Variants in EPB41L3 observed in about 807,000 individuals in gnomAD.
The protein encoded by EPB41L3 is band 4.1-like protein 3.
In EPB41L3, 57 loss-of-function variants were observed where a neutral mutation model predicts 127.1. The ratio of observed to expected loss-of-function variants is 0.45; its 90% CI spans 0.36 to 0.56. The LOEUF (loss-of-function observed/expected upper bound fraction) is 0.56. Among genes scored for constraint, EPB41L3 ranks in the 20% least tolerant of loss-of-function variants. EPB41L3 has a pLI of 0.00. For synonymous variants in EPB41L3, 572 were observed against 549.5 expected, an observed-to-expected ratio of 1.04 and a Z score of -0.57; for missense variants, 1,273 against 1,372.2, an observed-to-expected ratio of 0.93 and a Z score of 1.14.
rs186713595 is a variant in EPB41L3 at position 5,567,828 on chromosome 18, T to G, written c.-306+44512A>C. Among the ~76,000 whole-genome samples the G allele has an allele frequency of 2.0e-5, 3 of 152,348 alleles. No homozygotes were observed. In the East Asian group the frequency reaches 5.8e-4, roughly 29 times the overall value. On this transcript the variant is annotated intron_variant, in intron 3 of 21. Transcript: ENST00000545076. ...TAATTATTTGTCATAATATGTAATA[T>G]GTTTGTGTCATTTATGTCTAAGTGT...
chr18:5,431,545 C>T (rs1387812546), intron 8 of EPB41L3, among the ~76,000 whole-genome samples: 1 of 152,168 alleles, frequency 6.6e-6, no homozygotes, highest in Non-Finnish European at 1.5e-5. Flanking sequence ...TATTTTAATT[C>T]TGTAGCTATA....
intron 3 of EPB41L3, among the ~76,000 whole-genome samples, chr18:5,569,653 C>G (rs1000627208): frequency 4.6e-5 from 7 of 152,228 alleles, no homozygotes; most frequent in South Asian, 2.1e-4. Context: ...CTATGTACCT[C>G]TGCTAAGGGC....
chr18:5,525,909 A>T (rs1279387124), intron 1 of EPB41L3, among the ~76,000 whole-genome samples: 2 of 152,190 alleles, frequency 1.3e-5, no homozygotes, highest in Non-Finnish European at 2.9e-5. Context: ...CTTCTATTGG[A>T]GAAACAACCA....
chr18:5,437,380 C>T (rs373208860), intron 6 of EPB41L3, among the ~76,000 whole-genome samples: 2 of 152,314 alleles, frequency 1.3e-5, no homozygotes, highest in African/African-American at 4.8e-5. Context: ...TGATCTCAAA[C>T]TTCTAGTCTC....
intron 2 of EPB41L3, among the ~76,000 whole-genome samples, chr18:5,613,005 G>A (rs529463504): frequency 6.6e-6 from 1 of 152,296 alleles, no homozygotes; most frequent in East Asian, 1.9e-4. Flanking sequence ...CTCCCAAAGT[G>A]CTAGGATTAC....
At chr18:5,414,032 T>C (rs2076503143) in intron 13 of EPB41L3, among the ~76,000 whole-genome samples, 1 of 152,236 alleles carries the variant, frequency 6.6e-6, no homozygotes, top group African/African-American at 2.4e-5. Flanking sequence ...AGTTGAAATA[T>C]TTATTTTGAA....
chr18:5,446,021 C>T (rs1187432236), intron 3 of EPB41L3, among the ~76,000 whole-genome samples: 1 of 152,186 alleles, frequency 6.6e-6, no homozygotes, highest in Non-Finnish European at 1.5e-5. Context: ...AGATAAACTT[C>T]TGAGCCTGAG....
At chr18:5,450,999 T>C (rs2082215699) in intron 3 of EPB41L3, among the ~76,000 whole-genome samples, 1 of 152,176 alleles carries the variant, frequency 6.6e-6, no homozygotes, top group African/African-American at 2.4e-5. Context: ...TTTTTTTACA[T>C]GTGTGACATT....
intron 3 of EPB41L3, among the ~76,000 whole-genome samples, chr18:5,467,951 G>C (rs1261353668): frequency 2.0e-5 from 3 of 152,148 alleles, no homozygotes; most frequent in African/African-American, 7.2e-5. Flanking sequence ...GCACTCTCAG[G>C]GGTACAGGAA....
At chr18:5,528,103 G>A (rs139924774) in intron 1 of EPB41L3, among the ~76,000 whole-genome samples, 10 of 152,302 alleles carry the variant, frequency 6.6e-5, no homozygotes, top group East Asian at 1.9e-4. Flanking sequence ...CAGAAGAGTC[G>A]CCTCTTCTAA....
intron 3 of EPB41L3, among the ~76,000 whole-genome samples, chr18:5,562,611 T>A (rs1303741648): frequency 6.6e-6 from 1 of 152,196 alleles, no homozygotes; most frequent in African/African-American, 2.4e-5. Flanking sequence ...ATCTAAAGAA[T>A]GTAATAGTGC....
At chr18:5,563,164 T>C (rs1487683658) in intron 3 of EPB41L3, among the ~76,000 whole-genome samples, 1 of 152,166 alleles carries the variant, frequency 6.6e-6, no homozygotes, top group African/African-American at 2.4e-5. Context: ...CTTGAAATAG[T>C]CATTAGTATG....
intron 3 of EPB41L3, among the ~76,000 whole-genome samples, chr18:5,572,573 G>A (rs1033060556): frequency 3.3e-5 from 5 of 151,982 alleles, no homozygotes; most frequent in African/African-American, 1.2e-4. Flanking sequence ...TGTTGTTTTG[G>A]TTTTGGTTTT....
intron 3 of EPB41L3, among the ~76,000 whole-genome samples, chr18:5,571,556 A>T (rs1157981214): frequency 6.6e-6 from 1 of 152,210 alleles, no homozygotes; most frequent in Non-Finnish European, 1.5e-5. Context: ...CATGAGTCCT[A>T]ACCCAAATTT....
intron 3 of EPB41L3, among the ~76,000 whole-genome samples, chr18:5,476,128 A>G (rs1172530316): frequency 1.3e-5 from 2 of 152,134 alleles, no homozygotes; most frequent in Middle Eastern, 3.4e-3. Flanking sequence ...TTCTCATTCA[A>G]CCAATCGGTT....
chr18:5,529,340 A>C (rs1374463324), intron 1 of EPB41L3, among the ~76,000 whole-genome samples: 3 of 148,314 alleles, frequency 2.0e-5, no homozygotes, highest in Non-Finnish European at 4.5e-5. Flanking sequence ...ATATATATAT[A>C]TCTTACCTAA....
At chr18:5,539,713 AG>A (rs2093669147) in intron 1 of EPB41L3, 1 of 152,244 alleles carries the variant, frequency 6.6e-6, no homozygotes, top group Non-Finnish European at 1.5e-5. Flanking sequence ...AAATTCAGAA[AG>A]GAAAACATGA....
chr18:5,580,489 C>CAT (rs1305432060), intron 3 of EPB41L3, among the ~76,000 whole-genome samples: 1 of 152,012 alleles, frequency 6.6e-6, no homozygotes, highest in African/African-American at 2.4e-5. Flanking sequence ...CTCATATGCA[C>CAT]ATATAGGCAC....
chr18:5,562,674 T>C (rs2094149016), intron 3 of EPB41L3, among the ~76,000 whole-genome samples: 2 of 152,162 alleles, frequency 1.3e-5, no homozygotes, highest in African/African-American at 4.8e-5. Flanking sequence ...GGTGATGATA[T>C]GGAAGTATTG....
Sources: allele counts gnomAD v4.1 joint callset (sites outside exome capture counted in the v4.1 genomes callset), GRCh38; gene constraint gnomAD v4.1.1; transcripts MANE v1.5; gene names NCBI Gene and HGNC (gene_info 2026-07-23, HGNC 2026-07-21).